PDXDC1: variants seen among roughly 807,000 people sequenced by gnomAD.
PDXDC1 encodes pyridoxal dependent decarboxylase domain containing 1, also known as pyridoxal-dependent decarboxylase domain-containing protein 1.
PDXDC1 carries 42 observed loss-of-function variants against 100.1 expected under a neutral mutation model. The observed-to-expected ratio is 0.42, with a 90% confidence interval of 0.33 to 0.54. The LOEUF (loss-of-function observed/expected upper bound fraction) is 0.54. Among genes scored for constraint, PDXDC1 ranks in the 20% least tolerant of loss-of-function variants. PDXDC1 has a pLI of 0.10. For missense variants in PDXDC1, 636 were observed against 979.2 expected, an observed-to-expected ratio of 0.65 and a Z score of 4.68; for synonymous variants, 260 against 371.7, an observed-to-expected ratio of 0.70 and a Z score of 3.46.
intron 1 of PDXDC1, among the ~76,000 whole-genome samples, chr16:14,976,152 C>T (rs1177124388): frequency 1.3e-5 from 2 of 152,292 alleles, no homozygotes; most frequent in Non-Finnish European, 1.5e-5. Context: ...TTCCTGCTTT[C>T]GGTACCTGAC....
downstream of PDXDC1, among the ~76,000 whole-genome samples, chr16:15,041,283 G>A (rs964248546): frequency 6.6e-6 from 1 of 152,116 alleles, no homozygotes; most frequent in Non-Finnish European, 1.5e-5. Context: ...CCTGTCCCAA[G>A]GCAGGGGGGT....
At chr16:15,047,178 T>C in intron 16 of PDXDC1, 1 of 497,606 alleles carries the variant, frequency 2.0e-6, no homozygotes, top group Non-Finnish European at 3.6e-6. Flanking sequence ...AATCGCAACC[T>C]CGACGTTCCT....
At chr16:14,985,281 CT>C (rs769346480) in intron 1 of PDXDC1, among the ~76,000 whole-genome samples, 12,921 of 113,156 alleles carry the variant, frequency 0.11, 150 homozygotes, top group East Asian at 0.25. Context: ...TGATAAACAA[CT>C]TTTTTTTTTT....
intron 8 of PDXDC1, among the ~76,000 whole-genome samples, chr16:15,013,059 A>G (rs143330895): frequency 7.5e-3 from 1,134 of 151,904 alleles, no homozygotes; most frequent in African/African-American, 0.026. Flanking sequence ...AGTCCTAGCT[A>G]CTTGGGAGGC....
chr16:15,101,877 C>G (rs2046561762), intron 16 of PDXDC1, among the ~76,000 whole-genome samples: 1 of 151,930 alleles, frequency 6.6e-6, no homozygotes, highest in African/African-American at 2.4e-5. Context: ...GAGACAGAGT[C>G]TTGCTCTGTT....
At chr16:15,086,547 G>T in intron 16 of PDXDC1, 1 of 1,547,650 alleles carries the variant, frequency 6.5e-7, no homozygotes, top group Non-Finnish European at 8.7e-7. Flanking sequence ...ATCAAGAATA[G>T]GTTGGGGGGA....
chr16:15,053,698 G>A (rs997311384), intron 16 of PDXDC1, among the ~76,000 whole-genome samples: 2 of 152,038 alleles, frequency 1.3e-5, no homozygotes, highest in African/African-American at 4.8e-5. Context: ...ATCACTTGAG[G>A]TCAGGAGTTC....
At chr16:15,083,275 T>G (rs1233619007) in intron 16 of PDXDC1, among the ~76,000 whole-genome samples, 4 of 152,098 alleles carry the variant, frequency 2.6e-5, no homozygotes, top group African/African-American at 9.7e-5. Context: ...GGTAGGCGCC[T>G]GCAGTCCCAG....
At chr16:14,991,161 C>T (rs1487039433) in intron 1 of PDXDC1, among the ~76,000 whole-genome samples, 1 of 152,254 alleles carries the variant, frequency 6.6e-6, no homozygotes, top group Non-Finnish European at 1.5e-5. Flanking sequence ...TCAGTTTAAG[C>T]ATCTTGTCAT....
chr16:15,000,020 G>A (rs1972805563), intron 3 of PDXDC1, among the ~76,000 whole-genome samples: 2 of 152,286 alleles, frequency 1.3e-5, no homozygotes, highest in African/African-American at 2.4e-5. Flanking sequence ...TACTTTAAAA[G>A]TCACTCCTAT....
rs546479645 is a variant in PDXDC1, at chr16:15,076,862, C to T, written c.1399+46806C>T. On this transcript the variant is annotated intron_variant, in intron 16 of 16. Transcript: ENST00000535621. Reference sequence around the variant, plus strand: ...AATATAATAAACCAAGCCCCTTTTACTACATACTTATATAAAATCGACAAC... The same window carrying T: ...AATATAATAAACCAAGCCCCTTTTATTACATACTTATATAAAATCGACAAC... 1.3e-5 allele frequency among the ~76,000 whole-genome samples: 2 copies of T among 152,238 alleles called. 1 individual carries two copies. Among genetic ancestry groups the T allele is most frequent in the South Asian group, 4.1e-4 (2 of 4,826 alleles).
intron 16 of PDXDC1, chr16:15,135,899 GCCAGCCGCGGCAGCA>G (rs2151928078): frequency 6.3e-7 from 1 of 1,574,860 alleles, no homozygotes; most frequent in African/African-American, 1.3e-5. Flanking sequence ...CACAGGCAGC[GCCAGCCGCGGCAGCA>G]CCAGCTGAGG....
intron 16 of PDXDC1, among the ~76,000 whole-genome samples, chr16:15,110,238 T>C (rs868084085): frequency 1.1e-4 from 16 of 147,028 alleles, no homozygotes; most frequent in Non-Finnish European, 2.3e-4. Flanking sequence ...AACAAGAATG[T>C]AGGAAGGGAA....
chr16:15,077,051 C>G (rs1371177598), intron 16 of PDXDC1, among the ~76,000 whole-genome samples: 1 of 151,152 alleles, frequency 6.6e-6, no homozygotes, highest in Non-Finnish European at 1.5e-5. Flanking sequence ...AAGATCTCGG[C>G]TCACCGCAAA....
rs553166241 is a variant in PDXDC1, at chr16:15,038,139, T to A, written c.*1864T>A. ...TGTGAGCTGGAGATGGGTGTTTTTT[T>A]AAAAACATCAAGGTAGATCTAATAT... is the stretch of plus-strand genomic sequence containing the variant. On this transcript the variant is annotated 3_prime_UTR_variant, in exon 23 of 23. Coordinates refer to ENST00000396410, the MANE Select transcript of PDXDC1 (RefSeq NM_015027.4). The A allele has an allele frequency of 4.0e-5, 64 of 1,612,378 alleles. No homozygotes were observed. The African/African-American group carries it at 5.2e-4, about 13-fold the overall frequency.
intron 17 of PDXDC1, 97 bp downstream of exon 17, chr16:15,032,003 G>A (rs1045321817): frequency 1.8e-5 from 19 of 1,085,614 alleles, no homozygotes; most frequent in African/African-American, 1.4e-4. Flanking sequence ...CAAGATGAAC[G>A]TGTAGTCACA....
At chr16:15,074,751 G>A (rs771024033) in intron 16 of PDXDC1, 4 of 1,613,900 alleles carry the variant, frequency 2.5e-6, no homozygotes, top group East Asian at 4.5e-5. Context: ...CCTTCATGTA[G>A]GACAAAACCA....
intron 9 of PDXDC1, 129 bp from the exon 10 acceptor site, chr16:15,016,991 A>T: frequency 8.7e-7 from 1 of 1,149,884 alleles, no homozygotes; most frequent in Non-Finnish European, 1.3e-6. Flanking sequence ...GTTGCTGTTA[A>T]TGAAAGCTAA....
chr16:15,049,999 G>A (rs2044233962), intron 16 of PDXDC1, among the ~76,000 whole-genome samples: 1 of 152,168 alleles, frequency 6.6e-6, no homozygotes, highest in Admixed American at 6.6e-5. Context: ...CCATGGCTGT[G>A]CCAAAAAAGC....
Sources: gnomAD v4.1 joint callset for allele counts (sites outside exome capture counted in the v4.1 genomes callset) on GRCh38, gnomAD v4.1.1 for gene constraint, MANE v1.5 for transcripts, NCBI Gene and HGNC (gene_info 2026-07-23, HGNC 2026-07-21) for gene names.